Variants in ERCC8 observed in about 807,000 individuals in gnomAD.
ERCC8 encodes the protein DNA excision repair protein ERCC-8.
In ERCC8, 52 loss-of-function variants were observed where a neutral mutation model predicts 54.9. That is an observed-to-expected ratio of 0.95 (90% CI 0.76 to 1.19). The LOEUF (loss-of-function observed/expected upper bound fraction) is 1.19. ERCC8 is among the 50% of genes most tolerant of loss of function. The probability of loss-of-function intolerance (pLI) is 0.00; values close to 1 mark genes in which losing one functional copy is unlikely to be tolerated. For synonymous variants in ERCC8, 146 were observed against 157.2 expected (o/e 0.93, Z 0.53); for missense variants, 514 against 466.1 (o/e 1.10, Z -0.95).
intron 5 of ERCC8, among the ~76,000 whole-genome samples, chr5:60,904,457 G>C (rs999852631): frequency 1.3e-5 from 2 of 151,518 alleles, no homozygotes; most frequent in African/African-American, 4.8e-5. Flanking sequence ...AATTGGGAAA[G>C]TTGCCAAATT....
Position 60,903,718 on chromosome 5 carries a change from T to C in ERCC8, c.482-2A>G, listed in dbSNP as rs1554073420. The C allele has an allele frequency of 6.2e-7, 1 of 1,612,302 alleles. No homozygotes were observed. Among genetic ancestry groups the C allele is most frequent in the Non-Finnish European group, 8.5e-7 (1 of 1,179,090 alleles). Reference sequence around the variant, plus strand: ...GTACTTTGGGTCCTCTAGTACCAACTGTAAAAACAGAACCGGTTTAAGATA... The same window carrying C: ...GTACTTTGGGTCCTCTAGTACCAACCGTAAAAACAGAACCGGTTTAAGATA... On this transcript the variant is annotated splice_acceptor_variant, in intron 5 of 11. Transcript: ENST00000676185. LOFTEE classifies it high-confidence loss of function.
At chr5:60,924,717 T>C (rs528987900) in intron 2 of ERCC8, among the ~76,000 whole-genome samples, 1 of 152,282 alleles carries the variant, frequency 6.6e-6, no homozygotes, top group African/African-American at 2.4e-5. Context: ...TATACACCTC[T>C]TGAATTATTT....
chr5:60,895,782 G>T (rs1561500650), intron 9 of ERCC8, among the ~76,000 whole-genome samples: 1 of 152,156 alleles, frequency 6.6e-6, no homozygotes, highest in Non-Finnish European at 1.5e-5. Context: ...GCTAGACTGT[G>T]ATGGCCTTAT....
chr5:60,934,051 T>C (rs537191450), intron 1 of ERCC8, among the ~76,000 whole-genome samples: 2 of 152,346 alleles, frequency 1.3e-5, no homozygotes, highest in African/African-American at 2.4e-5. Flanking sequence ...AACATGCATG[T>C]GTGAGTATCT....
intron 1 of ERCC8, among the ~76,000 whole-genome samples, chr5:60,938,880 T>C (rs1000184801): frequency 6.6e-6 from 1 of 152,278 alleles, no homozygotes; most frequent in African/African-American, 2.4e-5. Flanking sequence ...ATATTCGTAG[T>C]GATGTCCACA....
chr5:60,908,846 C>T (rs137994578), intron 4 of ERCC8, among the ~76,000 whole-genome samples: 339 of 152,176 alleles, frequency 2.2e-3, no homozygotes, highest in African/African-American at 7.7e-3. Flanking sequence ...ACTGCAGCTA[C>T]GCCAGCAGGT....
chr5:60,931,270 T>C (rs1749901575), intron 1 of ERCC8, among the ~76,000 whole-genome samples: 1 of 152,180 alleles, frequency 6.6e-6, no homozygotes, highest in African/African-American at 2.4e-5. Context: ...CAGCTAATAT[T>C]TGGCTGAGCC....
At chr5:60,891,584 A>AC (rs1306108758) in intron 9 of ERCC8, among the ~76,000 whole-genome samples, 1 of 149,278 alleles carries the variant, frequency 6.7e-6, no homozygotes, top group Admixed American at 6.7e-5. Context: ...TGGGGCTAAT[A>AC]CCCCCCAAAA....
intron 4 of ERCC8, chr5:60,917,429 A>G (rs1749468867): frequency 6.6e-6 from 1 of 152,062 alleles, no homozygotes; most frequent in Non-Finnish European, 1.5e-5. Context: ...AGTTTAGACA[A>G]TGGGAATCCC....
chr5:60,875,743 C>A (rs961038160), intron 11 of ERCC8, among the ~76,000 whole-genome samples: 4 of 152,110 alleles, frequency 2.6e-5, no homozygotes, highest in African/African-American at 9.7e-5. Context: ...GTCGCCCGGG[C>A]TGGAGTGCAG....
At chr5:60,907,019 A>G (rs2112498428) in intron 4 of ERCC8, among the ~76,000 whole-genome samples, 1 of 152,342 alleles carries the variant, frequency 6.6e-6, no homozygotes, top group African/African-American at 2.4e-5. Flanking sequence ...GCCCAGACTT[A>G]GCCAATCCCT....
chr5:60,923,329 A>G (rs1749655086), intron 2 of ERCC8, among the ~76,000 whole-genome samples: 1 of 152,148 alleles, frequency 6.6e-6, no homozygotes, highest in South Asian at 2.1e-4. Context: ...TTGGTACTTC[A>G]TATACTTTAA....
chr5:60,876,365 C>G (rs972603597), intron 11 of ERCC8, among the ~76,000 whole-genome samples: 2 of 152,144 alleles, frequency 1.3e-5, no homozygotes, highest in Non-Finnish European at 2.9e-5. Context: ...TTTATAGCAG[C>G]ATGTTTTATA....
chr5:60,878,531 G>T (rs1234206716), intron 11 of ERCC8, among the ~76,000 whole-genome samples: 2 of 152,074 alleles, frequency 1.3e-5, no homozygotes, highest in South Asian at 2.1e-4. Flanking sequence ...AGCTATCAAT[G>T]ATTGCCTCAA....
intron 4 of ERCC8, among the ~76,000 whole-genome samples, chr5:60,916,879 T>C (rs1202468791): frequency 1.3e-5 from 2 of 152,038 alleles, no homozygotes; most frequent in Non-Finnish European, 1.5e-5. Flanking sequence ...GCACTGAATT[T>C]AGTAATGTAT....
Position 60,871,969 on chromosome 5 carries a change from T to A in ERCC8, c.*2646A>T, listed in dbSNP as rs1311541137. Among the ~76,000 whole-genome samples the A allele has an allele frequency of 6.6e-6, 1 of 152,038 alleles. No individual in the cohort carries two copies. The highest frequency in any genetic ancestry group is 1.5e-5 in the Non-Finnish European group (1 of 68,012). The stretch of plus-strand genomic sequence containing the variant: ...GTGTGCACAACACACTTGGTTAATT[T>A]TTGTATTTTTTATTTAGAGACGAGG... On this transcript the variant is annotated 3_prime_UTR_variant, in exon 12 of 12. Coordinates refer to ENST00000676185, the MANE Select transcript of ERCC8 (RefSeq NM_000082.4).
Position 60,880,002 on chromosome 5 carries a change from A to G in ERCC8, c.1123-5319T>C, listed in dbSNP as rs920843810. On this transcript the variant is annotated intron_variant, in intron 11 of 11. Transcript: ENST00000676185. ...TTGGCATGTTTTTGCAGTGGCTGGT[A>G]CCGGTTGTTCCTTTCCATGTTTAGT... is the stretch of plus-strand genomic sequence containing the variant. Among the ~76,000 whole-genome samples, 14 of 152,274 alleles carry G rather than the reference A, an allele frequency of 9.2e-5. No homozygotes were observed. In the East Asian group the frequency reaches 1.9e-3, roughly 21 times the overall value.
Position 60,922,129 on chromosome 5 carries a change from A to C in ERCC8, c.200T>G (p.Val67Gly). Reference sequence around the variant, plus strand: ...GTTCTCAAGGTCATAAAGTACAATCACACCATCTGAACCACCTGATAACAT... The same window carrying C: ...GTTCTCAAGGTCATAAAGTACAATCCCACCATCTGAACCACCTGATAACAT... Reference protein sequence around the residue: ...RYMLSGGSDGVIVLYDLENSS... With the variant: ...RYMLSGGSDGGIVLYDLENSS... Residue 67 changes from valine (V) to glycine (G), a missense_variant, in exon 3 of 12, where the codon GTG becomes GGG. Physicochemically the swap from Val to Gly is moderately radical, Grantham distance 109. Transcript: ENST00000676185. 6.2e-7 allele frequency: 1 copy of C among 1,609,720 alleles called. No homozygotes were observed. Among genetic ancestry groups the C allele is most frequent in the East Asian group, 2.2e-5 (1 of 44,746 alleles).
rs1747820901 is a variant in ERCC8, at chr5:60,869,580, C to A, written c.*5035G>T. On this transcript the variant is annotated 3_prime_UTR_variant, in exon 12 of 12. Coordinates refer to ENST00000676185, the MANE Select transcript of ERCC8 (RefSeq NM_000082.4). ...TTTAGTATAAACTGGACACAAGGAA[C>A]ACTTCAGTTCATGGGATAACTTTTT... 6.6e-6 allele frequency among the ~76,000 whole-genome samples: 1 copy of A among 152,054 alleles called. No individual in the cohort carries two copies. Among genetic ancestry groups the A allele is most frequent in the South Asian group, 2.1e-4 (1 of 4,820 alleles).
Sources: allele counts gnomAD v4.1 joint callset (sites outside exome capture counted in the v4.1 genomes callset), GRCh38; gene constraint gnomAD v4.1.1; transcripts MANE v1.5; gene names NCBI Gene and HGNC (gene_info 2026-07-23, HGNC 2026-07-21).